Variants in KIF5B observed in about 807,000 individuals in gnomAD.
The protein encoded by KIF5B is kinesin-1 heavy chain.
A neutral mutation model predicts 132.8 loss-of-function variants in KIF5B; 49 were observed. That is an observed-to-expected ratio of 0.37 (90% confidence interval 0.29 to 0.47). KIF5B has a LOEUF of 0.47. KIF5B is among the 20% of genes least tolerant of loss of function. The pLI, the probability that KIF5B is intolerant of heterozygous loss-of-function variation, is 1.00. For synonymous variants in KIF5B, 355 were observed against 369.4 expected (o/e 0.96, Z 0.45); for missense variants, 780 against 1,144.0 (o/e 0.68, Z 4.59).
At chr10:32,023,194 C>T (rs994007044) in intron 15 of KIF5B, among the ~76,000 whole-genome samples, 158 bp from the exon 16 acceptor site, 12 of 151,742 alleles carry the variant, frequency 7.9e-5, no homozygotes, top group East Asian at 5.8e-4. Context: ...CTGTTTTCAA[C>T]GAAAGGTAAA....
At chr10:32,017,456 C>T in intron 23 of KIF5B, 97 bp from the exon 24 acceptor site, 1 of 887,100 alleles carries the variant, frequency 1.1e-6, no homozygotes. Flanking sequence ...AGTAAAACTG[C>T]ATTTTATATT....
Position 32,024,780 on chromosome 10 carries a change from A to G in KIF5B, c.1726-1744T>C, listed in dbSNP as rs576103838. ...ACTCCATCTCAAAATAAAACAAAAC[A>G]AAACTCAACAACAGGGCCAGGCGCA... is the stretch of plus-strand genomic sequence containing the variant. On this transcript the variant is annotated intron_variant, in intron 15 of 25. Coordinates refer to ENST00000302418, the MANE Select transcript of KIF5B (RefSeq NM_004521.3). Among the ~76,000 whole-genome samples the G allele has an allele frequency of 2.7e-5, 4 of 147,724 alleles. No homozygotes were observed. In the South Asian group the frequency reaches 8.7e-4, roughly 32 times the overall value.
rs199769132 is a variant in KIF5B, at chr10:32,031,116, G to T, written c.1538C>A (p.Thr513Asn). 101 of 1,613,770 alleles carry T rather than the reference G, an allele frequency of 6.3e-5. No homozygotes were observed. In the East Asian group the frequency reaches 2.2e-3, roughly 35 times the overall value. The part of the protein sequence containing the change: ...DQKSQEVEDK[T>N]KEYELLSDEL... Reference sequence around the variant, plus strand: ...ATCACTAAGCAATTCATATTCCTTAGTTTTGTCTTCAACTTCCTGAGACTT... The same window carrying T: ...ATCACTAAGCAATTCATATTCCTTATTTTTGTCTTCAACTTCCTGAGACTT... The change falls in exon 14 of 26, where the codon ACT becomes AAT. Residue 513 changes from threonine to asparagine, a missense_variant. Transcript: ENST00000302418.
intron 2 of KIF5B, among the ~76,000 whole-genome samples, chr10:32,041,239 T>C (rs1006560908): frequency 6.6e-6 from 1 of 151,730 alleles, no homozygotes; most frequent in Non-Finnish European, 1.5e-5. Context: ...TCCATCAAAG[T>C]TTAGTACATA....
At chr10:32,043,810 G>C (rs1841574865) in intron 2 of KIF5B, among the ~76,000 whole-genome samples, 1 of 152,158 alleles carries the variant, frequency 6.6e-6, no homozygotes, top group Non-Finnish European at 1.5e-5. Flanking sequence ...CATTCTCAGT[G>C]AACTTGTCGG....
chr10:32,018,106 T>C lies in KIF5B; in HGVS notation c.2490A>G (p.Gln830=). The C allele has an allele frequency of 4.3e-6, 7 of 1,612,578 alleles. No individual in the cohort carries two copies. Among genetic ancestry groups the C allele is most frequent in the Middle Eastern group, 1.6e-4 (1 of 6,062 alleles). The change falls in exon 23 of 26, where the codon CAA becomes CAG. Residue 830 remains glutamine, a synonymous_variant. Coordinates refer to ENST00000302418, the MANE Select transcript of KIF5B (RefSeq NM_004521.3). ...DDTGGSAAQK[Q]KISFLENNLE... is the part of the protein sequence containing the mutation. Reference sequence around the variant, plus strand: ...GATTATTTTCAAGAAAGGAGATTTTTTGCTTCTGAGCAGCGCTGCCTCCGG... The same window carrying C: ...GATTATTTTCAAGAAAGGAGATTTTCTGCTTCTGAGCAGCGCTGCCTCCGG...
At chr10:32,028,360 T>C in intron 15 of KIF5B, 68 bp downstream of exon 15, 2 of 1,258,378 alleles carry the variant, frequency 1.6e-6, no homozygotes. Context: ...CTTTACAAAC[T>C]ATTAGTAGTA....
At chr10:32,018,290 CG>C in intron 22 of KIF5B, 25 bp downstream of exon 22, 1 of 1,489,660 alleles carries the variant, frequency 6.7e-7, no homozygotes, top group Non-Finnish European at 9.0e-7. Context: ...TTTATGCAAA[CG>C]CCTACCTCGG....
intron 1 of KIF5B, among the ~76,000 whole-genome samples, chr10:32,054,850 T>C (rs1841732475): frequency 6.6e-6 from 1 of 152,194 alleles, no homozygotes; most frequent in Non-Finnish European, 1.5e-5. Flanking sequence ...CCTCACATTC[T>C]GGTCTCACTG....
chr10:32,022,863 C>G lies in KIF5B; in HGVS notation c.1899G>C (p.Gln633His), dbSNP rs556018088. The stretch of plus-strand genomic sequence containing the variant: ...TATAACATACTTGAGAGATACGAAG[C>G]TGACATGCTGCTAACTCCTTTTCAT... ...EENEKELAAC[Q>H]LRISQHEAKI... Residue 633 changes from glutamine to histidine, a missense_variant, in exon 16 of 26, where the codon CAG (glutamine) becomes CAC (histidine). Gln to His is a conservative substitution (Grantham distance 24, BLOSUM62 0). Coordinates refer to ENST00000302418, the MANE Select transcript of KIF5B (RefSeq NM_004521.3). The G allele has an allele frequency of 6.2e-7, 1 of 1,609,286 alleles. No homozygotes were observed. The highest frequency in any genetic ancestry group is 1.1e-5 in the South Asian group (1 of 90,354).
chr10:32,055,806 C>T (rs765871633), intron 1 of KIF5B, 42 bp downstream of exon 1: 90 of 1,603,218 alleles, frequency 5.6e-5, no homozygotes, highest in South Asian at 7.7e-5. Context: ...CACAGGCCGG[C>T]CCGAAGAAGC....
chr10:32,028,387 T>G, intron 15 of KIF5B, 41 bp downstream of exon 15: 2 of 1,516,184 alleles, frequency 1.3e-6, no homozygotes, highest in Non-Finnish European at 1.8e-6. Context: ...AGTGCCAGTG[T>G]ATACAGATAA....
At chr10:32,051,653 T>G (rs914433167) in intron 1 of KIF5B, among the ~76,000 whole-genome samples, 1 of 152,190 alleles carries the variant, frequency 6.6e-6, no homozygotes, top group African/African-American at 2.4e-5. Flanking sequence ...AAAAATTAAG[T>G]GCTTAGCATT....
At chr10:32,014,387 G>A (rs1459893648) in intron 25 of KIF5B, among the ~76,000 whole-genome samples, 1 of 149,656 alleles carries the variant, frequency 6.7e-6, no homozygotes, top group Non-Finnish European at 1.5e-5. Context: ...ACGAGGCTCC[G>A]TCTCGGAGTG....
chr10:32,039,360 G>A lies in KIF5B; in HGVS notation c.360C>T (p.Tyr120=), dbSNP rs750692265. The part of the protein sequence containing the change: ...RIVQDIFNYI[Y]SMDENLEFHI... Reference sequence around the variant, plus strand: ...GAAATTCCAAATTTTCATCCATGGAGTAAATATAATTAAAAATATCTTGCA... The same window carrying A: ...GAAATTCCAAATTTTCATCCATGGAATAAATATAATTAAAAATATCTTGCA... Residue 120 remains tyrosine (Y), a synonymous_variant, in exon 4 of 26, where the codon TAC becomes TAT. Coordinates refer to ENST00000302418, the MANE Select transcript of KIF5B (RefSeq NM_004521.3). 4.9e-6 allele frequency: 7 copies of A among 1,424,622 alleles called. No homozygotes were observed. The highest frequency in any genetic ancestry group is 6.8e-6 in the Non-Finnish European group (7 of 1,032,694). The allele number at this position is 1,424,622 out of a possible 1,614,324, so 88.2% of individuals were successfully genotyped here.
chr10:32,011,937 A>C (rs995886976), intron 25 of KIF5B, among the ~76,000 whole-genome samples: 6 of 152,166 alleles, frequency 3.9e-5, no homozygotes, highest in African/African-American at 1.4e-4. Context: ...TTTAAAAAAA[A>C]AAGGGGGAGA....
chr10:32,055,831 C>A lies in KIF5B; in HGVS notation c.126+17G>T, dbSNP rs1350720578. 2.5e-6 allele frequency: 4 copies of A among 1,609,808 alleles called. No individual in the cohort carries two copies. The South Asian group carries it at 4.4e-5, about 18-fold the overall frequency. On this transcript the variant is annotated intron_variant, in intron 1 of 25. Transcript: ENST00000302418. ...CCCGAAGAAGCGGGAGGAGGGATGC[C>A]GGCGGGGGTCACTCACCGCGATCAC...
At chr10:32,036,395 A>G (rs1841459651) in intron 8 of KIF5B, among the ~76,000 whole-genome samples, 1 of 152,156 alleles carries the variant, frequency 6.6e-6, no homozygotes, top group Non-Finnish European at 1.5e-5. Context: ...TTTTAAAAAT[A>G]TATAAAATAT....
chr10:32,041,006 T>G (rs557284336), intron 2 of KIF5B, among the ~76,000 whole-genome samples: 41 of 139,672 alleles, frequency 2.9e-4, no homozygotes, highest in Non-Finnish European at 5.9e-4. Flanking sequence ...AAAAAAAAAA[T>G]TAGCTGTACG....
Sources: allele counts gnomAD v4.1 joint callset (sites outside exome capture counted in the v4.1 genomes callset), GRCh38; gene constraint gnomAD v4.1.1; transcripts MANE v1.5; gene names NCBI Gene and HGNC (gene_info 2026-07-23, HGNC 2026-07-21).